SLC45A2: variants seen among roughly 807,000 people sequenced by gnomAD.
SLC45A2 encodes solute carrier family 45 member 2, also known as membrane-associated transporter protein.
Under a neutral mutation model 45.5 loss-of-function variants are expected in SLC45A2, and 36 were observed. The observed-to-expected ratio is 0.79, with a 90% confidence interval of 0.61 to 1.04. The LOEUF (loss-of-function observed/expected upper bound fraction) is 1.04. Ranked by LOEUF, SLC45A2 falls within the 50% of genes least tolerant of loss-of-function variation. The pLI is 0.00. For missense variants in SLC45A2, 719 were observed against 671.0 expected, an observed-to-expected ratio of 1.07 and a Z score of -0.79; for synonymous variants, 306 against 269.3, an observed-to-expected ratio of 1.14 and a Z score of -1.33.
At chr5:33,965,782 C>T (rs1468894215) in intron 2 of SLC45A2, among the ~76,000 whole-genome samples, 1 of 152,156 alleles carries the variant, frequency 6.6e-6, no homozygotes, top group Non-Finnish European at 1.5e-5. Context: ...TGCGTCAAGC[C>T]AAGCAATCAA....
intron 6 of SLC45A2, 87 bp downstream of exon 6, chr5:33,947,076 C>T: frequency 6.2e-7 from 1 of 1,613,532 alleles, no homozygotes; most frequent in Non-Finnish European, 8.5e-7. Flanking sequence ...TATTTTCCAG[C>T]TCTGCTCTAC....
chr5:33,983,957 AT>A (rs1454369942), intron 1 of SLC45A2, among the ~76,000 whole-genome samples: 1 of 152,228 alleles, frequency 6.6e-6, no homozygotes, highest in Non-Finnish European at 1.5e-5. Flanking sequence ...ATAGATACAA[AT>A]TTAATCCTAT....
rs1421756657 is a variant in SLC45A2 at position 33,959,864 on chromosome 5, A to G, written c.888+3827T>C. ...AAATGAACAGAGTAAACAATACTGGAGGAAGCACTTGATCTCAAGGGAAAA... is the reference window on the plus strand; with the variant it reads ...AAATGAACAGAGTAAACAATACTGGGGGAAGCACTTGATCTCAAGGGAAAA... On this transcript the variant is annotated intron_variant, in intron 3 of 6. Coordinates refer to ENST00000296589, the MANE Select transcript of SLC45A2 (RefSeq NM_016180.5). Among the ~76,000 whole-genome samples, 3 of 152,196 alleles carry G rather than the reference A, an allele frequency of 2.0e-5. No homozygotes were observed. In the East Asian group the frequency reaches 5.8e-4, roughly 29 times the overall value.
intron 4 of SLC45A2, among the ~76,000 whole-genome samples, chr5:33,953,101 C>T (rs1456708724): frequency 4.2e-5 from 6 of 142,814 alleles, no homozygotes; most frequent in African/African-American, 1.3e-4. Flanking sequence ...CATTGTTGGA[C>T]ATTTGGGTTG....
In SLC45A2 at chr5:33,960,463, C is replaced by T. The variant is rs10052218; in HGVS notation, c.888+3228G>A. Among the ~76,000 whole-genome samples, 1,500 of 152,088 alleles carry T rather than the reference C, an allele frequency of 9.9e-3. 28 individuals are homozygous for T. The highest frequency in any genetic ancestry group is 0.034 in the African/African-American group (1,419 of 41,458). On this transcript the variant is annotated intron_variant, in intron 3 of 6. Coordinates refer to ENST00000296589, the MANE Select transcript of SLC45A2 (RefSeq NM_016180.5). ...ATGAATTAATGGCATTTGCAGTGAC[C>T]TAGATGAGATTGAAGAATATTATTC...
At chr5:33,972,866 CTT>C (rs1322488667) in intron 2 of SLC45A2, among the ~76,000 whole-genome samples, 1 of 152,134 alleles carries the variant, frequency 6.6e-6, no homozygotes, top group East Asian at 1.9e-4. Flanking sequence ...TGTGTTGAAA[CTT>C]TTCGTATTTG....
chr5:33,948,246 GC>G (rs1166064746), intron 5 of SLC45A2, among the ~76,000 whole-genome samples: 1 of 152,212 alleles, frequency 6.6e-6, no homozygotes, highest in African/African-American at 2.4e-5. Flanking sequence ...AACTTGGCTT[GC>G]TTATATCAGT....
At chr5:33,959,247 T>C (rs1351307706) in intron 3 of SLC45A2, among the ~76,000 whole-genome samples, 1 of 152,216 alleles carries the variant, frequency 6.6e-6, no homozygotes, top group Non-Finnish European at 1.5e-5. Context: ...GCATGTAATG[T>C]ATATTTTACC....
intron 2 of SLC45A2, among the ~76,000 whole-genome samples, chr5:33,978,855 C>T (rs1161625422): frequency 6.6e-6 from 1 of 152,166 alleles, no homozygotes; most frequent in African/African-American, 2.4e-5. Flanking sequence ...TCAGAATAAA[C>T]TTCTTCAAAT....
rs747852390 is a variant in SLC45A2, at chr5:33,984,546, T to C, written c.38A>G (p.Tyr13Cys). 3 of 1,612,468 alleles carry C rather than the reference T, an allele frequency of 1.9e-6. No individual in the cohort carries two copies. The highest frequency in any genetic ancestry group is 1.7e-5 in the Admixed American group (1 of 60,026). Residue 13 changes from tyrosine to cysteine, a missense_variant, in exon 1 of 7, where the codon TAT becomes TGT. Transcript: ENST00000296589. ...GGGGCCATCATCAGCTAGGGATTTA[T>C]AGATGTGGCGGCCAGCCTGCCCACT... ...SNSGQAGRHIYKSLADDGPFD... is the reference protein window; with the variant it reads ...SNSGQAGRHICKSLADDGPFD...
At chr5:33,972,511 A>G in intron 2 of SLC45A2, 1 of 207,312 alleles carries the variant, frequency 4.8e-6, no homozygotes, top group South Asian at 7.7e-5. Flanking sequence ...GTACTGAAGG[A>G]GGTATGTTTG....
rs1561354548 is a variant in SLC45A2, at chr5:33,947,356, ACCAAAACTTTCTGAAAG to A, written c.1158_1174del (p.Phe387IlefsTer52). The A allele has an allele frequency of 6.2e-7, 1 of 1,614,248 alleles. No individual in the cohort carries two copies. The highest frequency in any genetic ancestry group is 8.5e-7 in the Non-Finnish European group (1 of 1,180,044). On this transcript the variant is annotated frameshift_variant and splice_region_variant, in exon 6 of 7. Coordinates refer to ENST00000296589, the MANE Select transcript of SLC45A2 (RefSeq NM_016180.5). LOFTEE classifies it high-confidence loss of function. The stretch of plus-strand genomic sequence containing the variant: ...AAGACCCTTTAATCCAATGTAGGAT[ACCAAAACTTTCTGAAAG>A]TCTGTGGGAAGAAGAGAGGGAGAAA...
chr5:33,969,065 C>CTCTCTCTCTCTGTGTGTGTG lies in SLC45A2; in HGVS notation c.563-5050_563-5049insCACACACACAGAGAGAGAGA. On this transcript the variant is annotated intron_variant, in intron 2 of 6. Coordinates refer to ENST00000296589, the MANE Select transcript of SLC45A2 (RefSeq NM_016180.5). ...AGCTACTCTCTCTCTCTCTCTCTCT[C>CTCTCTCTCTCTGTGTGTGTG]TGTGTGTGTGTGTGTGTGTGTGTGT... 3.2e-4 allele frequency among the ~76,000 whole-genome samples: 33 copies of CTCTCTCTCTCTGTGTGTGTG among 102,462 alleles called. 1 individual carries two copies. Among genetic ancestry groups the CTCTCTCTCTCTGTGTGTGTG allele is most frequent in the African/African-American group, 1.0e-3 (28 of 27,028 alleles). The allele number at this position is 102,462 out of a possible 152,430, so 67.2% of individuals were successfully genotyped here. A position where few individuals can be genotyped will look rare whatever the true frequency, so the allele number is the denominator to read the frequency against.
chr5:33,955,426 G>C (rs1456611602), intron 3 of SLC45A2, among the ~76,000 whole-genome samples: 3 of 152,168 alleles, frequency 2.0e-5, no homozygotes, highest in Non-Finnish European at 4.4e-5. Context: ...CTACAGAACT[G>C]TGAGATAATA....
intron 4 of SLC45A2, among the ~76,000 whole-genome samples, chr5:33,952,520 AAATC>A (rs1252447940): frequency 6.6e-6 from 1 of 151,976 alleles, no homozygotes; most frequent in Non-Finnish European, 1.5e-5. Context: ...TCTCTGTAGT[AAATC>A]CAAGTCACAG....
At chr5:33,968,727 C>A (rs1752680794) in intron 2 of SLC45A2, among the ~76,000 whole-genome samples, 1 of 152,180 alleles carries the variant, frequency 6.6e-6, no homozygotes, top group Non-Finnish European at 1.5e-5. Flanking sequence ...TCAAGAGAGT[C>A]CATCTAAATC....
At chr5:33,957,617 G>A (rs974446725) in intron 3 of SLC45A2, among the ~76,000 whole-genome samples, 1 of 152,094 alleles carries the variant, frequency 6.6e-6, no homozygotes, top group Admixed American at 6.6e-5. Context: ...AAAATGAAGT[G>A]CAGAATTACT....
At chr5:33,953,626 C>T (rs1226339522) in intron 4 of SLC45A2, among the ~76,000 whole-genome samples, 1 of 143,452 alleles carries the variant, frequency 7.0e-6, no homozygotes, top group African/African-American at 2.6e-5. Flanking sequence ...TAAAGACCAT[C>T]GAGACTAGGA....
At position 33,959,985 on chromosome 5, in the gene SLC45A2, C is replaced by A. The variant is rs181387311; in HGVS notation, c.888+3706G>T. 1.2e-3 allele frequency among the ~76,000 whole-genome samples: 180 copies of A among 152,072 alleles called. 1 individual carries two copies. The highest frequency in any genetic ancestry group is 4.1e-3 in the African/African-American group (172 of 41,498). ...AAAATGAGGTTTTCTACTGACTATA[C>A]ATAGCAAAAAAAATTCCTTAAAATA... On this transcript the variant is annotated intron_variant, in intron 3 of 6. Transcript: ENST00000296589.
Sources: gnomAD v4.1 joint callset for allele counts (sites outside exome capture counted in the v4.1 genomes callset) on GRCh38, gnomAD v4.1.1 for gene constraint, MANE v1.5 for transcripts, NCBI Gene and HGNC (gene_info 2026-07-23, HGNC 2026-07-21) for gene names.